Variants in GRID2 observed in about 807,000 individuals in gnomAD.
GRID2 encodes glutamate receptor ionotropic, delta-2.
In GRID2, 33 loss-of-function variants were observed where a neutral mutation model predicts 114.8. The observed-to-expected ratio is 0.29, with a 90% CI of 0.22 to 0.38. The LOEUF (loss-of-function observed/expected upper bound fraction) is 0.38, where lower values mean the gene tolerates loss of function less well. GRID2 is among the 10% of genes least tolerant of loss of function. The probability of loss-of-function intolerance (pLI) is 1.00; values close to 1 mark genes in which losing one functional copy is unlikely to be tolerated. For missense variants in GRID2, 1,184 were observed against 1,257.7 expected (o/e 0.94, Z 0.89); for synonymous variants, 505 against 449.9 (o/e 1.12, Z -1.55).
intron 2 of GRID2, among the ~76,000 whole-genome samples, chr4:92,898,867 C>T (rs1747362604): frequency 6.6e-6 from 1 of 152,018 alleles, no homozygotes; most frequent in African/African-American, 2.4e-5. Context: ...TACTCTAAAT[C>T]TGATACAAAA....
At chr4:92,605,524 A>G (rs1729414992) in intron 2 of GRID2, among the ~76,000 whole-genome samples, 1 of 152,032 alleles carries the variant, frequency 6.6e-6, no homozygotes, top group South Asian at 2.1e-4. Flanking sequence ...AATAACAGGT[A>G]GAATGTGTAT....
intron 6 of GRID2, among the ~76,000 whole-genome samples, chr4:93,223,677 T>C: frequency 6.6e-6 from 1 of 152,010 alleles, no homozygotes; most frequent in East Asian, 1.9e-4. Context: ...TGATTCCTCA[T>C]TTTTTTTATT....
chr4:92,535,682 G>A (rs1473136076), intron 1 of GRID2, among the ~76,000 whole-genome samples: 2 of 152,172 alleles, frequency 1.3e-5, no homozygotes, highest in Non-Finnish European at 2.9e-5. Flanking sequence ...CAAGTGGTAA[G>A]TGAACCTGCC....
At chr4:93,771,580 C>T (rs1021865175) in intron 15 of GRID2, among the ~76,000 whole-genome samples, 7 of 152,108 alleles carry the variant, frequency 4.6e-5, no homozygotes, top group African/African-American at 1.7e-4. Flanking sequence ...GTCACTAACA[C>T]TTCAGTATGA....
At chr4:93,198,447 G>A (rs1428597695) in intron 4 of GRID2, among the ~76,000 whole-genome samples, 1 of 152,104 alleles carries the variant, frequency 6.6e-6, no homozygotes, top group East Asian at 1.9e-4. Flanking sequence ...AATCCAGGAG[G>A]CAACATAAGG....
At chr4:92,665,950 T>A (rs1732752653) in intron 2 of GRID2, among the ~76,000 whole-genome samples, 1 of 151,560 alleles carries the variant, frequency 6.6e-6, no homozygotes, top group Non-Finnish European at 1.5e-5. Context: ...AATGTTTATA[T>A]TCCTGTCTTT....
intron 1 of GRID2, among the ~76,000 whole-genome samples, chr4:92,397,804 G>A (rs1363723542): frequency 6.6e-6 from 1 of 152,088 alleles, no homozygotes; most frequent in African/African-American, 2.4e-5. Context: ...GAACATATCA[G>A]TAATTAATAA....
intron 8 of GRID2, among the ~76,000 whole-genome samples, chr4:93,325,696 T>C (rs1042986147): frequency 7.6e-6 from 1 of 131,620 alleles, no homozygotes; most frequent in African/African-American, 2.6e-5. Context: ...CATATTTCAA[T>C]TTCCTCATTT....
chr4:93,194,397 G>C (rs568746307), intron 4 of GRID2, among the ~76,000 whole-genome samples: 1 of 152,112 alleles, frequency 6.6e-6, no homozygotes, highest in South Asian at 2.1e-4. Context: ...TTTCAGATAT[G>C]CTATTTTCTC....
In GRID2 at chr4:93,532,867, C is replaced by T. The variant is rs1731591761; in HGVS notation, c.2193+17456C>T. 5.3e-5 allele frequency among the ~76,000 whole-genome samples: 8 copies of T among 152,228 alleles called. 2 individuals carry two copies. In the South Asian group the frequency reaches 1.7e-3, roughly 32 times the overall value. Reference sequence around the variant, plus strand: ...ACTCAAATCTCATTTTCTAACCCTGCACTCCTAACAACATTTCACAGTATT... The same window carrying T: ...ACTCAAATCTCATTTTCTAACCCTGTACTCCTAACAACATTTCACAGTATT... On this transcript the variant is annotated intron_variant, in intron 13 of 15. Coordinates refer to ENST00000282020, the MANE Select transcript of GRID2 (RefSeq NM_001510.4).
In GRID2 at chr4:93,268,034, C is replaced by T. The variant is rs116502050; in HGVS notation, c.1245+29544C>T. 3.5e-3 allele frequency among the ~76,000 whole-genome samples: 540 copies of T among 152,292 alleles called. 4 individuals carry two copies. The highest frequency in any genetic ancestry group is 0.012 in the African/African-American group (518 of 41,558). On this transcript the variant is annotated intron_variant, in intron 8 of 15. Coordinates refer to ENST00000282020, the MANE Select transcript of GRID2 (RefSeq NM_001510.4). ...TGTGTATTGCAGAGACACTCACCTG[C>T]TCTCACACACTAGGAATTTACTCAC... is the stretch of plus-strand genomic sequence containing the variant.
chr4:92,718,997 T>G (rs1370048904), intron 2 of GRID2, among the ~76,000 whole-genome samples: 1 of 151,998 alleles, frequency 6.6e-6, no homozygotes, highest in African/African-American at 2.4e-5. Flanking sequence ...ACAGATTTTT[T>G]TTTTTTTAAG....
At chr4:93,496,847 G>A (rs1553940240) in intron 12 of GRID2, among the ~76,000 whole-genome samples, 2 of 151,798 alleles carry the variant, frequency 1.3e-5, no homozygotes, top group African/African-American at 2.4e-5. Context: ...CACTTACATG[G>A]CAGTTTTCTG....
chr4:92,406,850 A>G (rs1185445620), intron 1 of GRID2, among the ~76,000 whole-genome samples: 1 of 151,996 alleles, frequency 6.6e-6, no homozygotes, highest in East Asian at 1.9e-4. Context: ...AATGGCCCTC[A>G]GCTACATCCA....
chr4:93,463,944 G>A (rs989238055), intron 11 of GRID2, among the ~76,000 whole-genome samples: 3 of 152,030 alleles, frequency 2.0e-5, no homozygotes, highest in Non-Finnish European at 4.4e-5. Context: ...AGCCGAGATT[G>A]TGCCACTGCA....
intron 2 of GRID2, among the ~76,000 whole-genome samples, chr4:92,625,599 TAACTTTATG>T (rs1186449872): frequency 1.3e-5 from 2 of 151,880 alleles, no homozygotes; most frequent in African/African-American, 4.8e-5. Flanking sequence ...AATCACTTAT[TAACTTTATG>T]AACTTGACAA....
intron 1 of GRID2, among the ~76,000 whole-genome samples, chr4:92,383,553 C>T (rs773655227): frequency 2.0e-5 from 3 of 151,850 alleles, no homozygotes; most frequent in Non-Finnish European, 2.9e-5. Flanking sequence ...TAGAAAGCCC[C>T]CTTAAAAGAT....
chr4:92,786,772 T>C (rs1739342069), intron 2 of GRID2, among the ~76,000 whole-genome samples: 1 of 151,916 alleles, frequency 6.6e-6, no homozygotes, highest in Admixed American at 6.6e-5. Flanking sequence ...TCATGTATTT[T>C]TAGACTTAAA....
chr4:93,120,661 TAGA>T, intron 4 of GRID2, among the ~76,000 whole-genome samples: 1 of 152,088 alleles, frequency 6.6e-6, no homozygotes, highest in Non-Finnish European at 1.5e-5. Flanking sequence ...GCTTAAAACA[TAGA>T]TGATGGGGAC....
Sources: allele counts gnomAD v4.1 joint callset (sites outside exome capture counted in the v4.1 genomes callset), GRCh38; gene constraint gnomAD v4.1.1; transcripts MANE v1.5; gene names NCBI Gene and HGNC (gene_info 2026-07-23, HGNC 2026-07-21).